Variants in IGF2BP3 observed in about 807,000 individuals in gnomAD.
IGF2BP3 encodes the protein insulin-like growth factor 2 mRNA-binding protein 3.
IGF2BP3 carries 9 observed loss-of-function variants against 73.8 expected under a neutral mutation model. The observed-to-expected ratio is 0.12, with a 90% CI of 0.07 to 0.21. The LOEUF (loss-of-function observed/expected upper bound fraction) is 0.21, where lower values mean the gene tolerates loss of function less well. Among genes scored for constraint, IGF2BP3 ranks in the 10% least tolerant of loss-of-function variants. The pLI is 1.00. For synonymous variants in IGF2BP3, 258 were observed against 256.7 expected, an observed-to-expected ratio of 1.01 and a Z score of -0.05; for missense variants, 542 against 714.0, an observed-to-expected ratio of 0.76 and a Z score of 2.75.
At chr7:23,417,368 T>G (rs990083796) in intron 3 of IGF2BP3, among the ~76,000 whole-genome samples, 1 of 152,062 alleles carries the variant, frequency 6.6e-6, no homozygotes, top group Non-Finnish European at 1.5e-5. Context: ...TCCACTAACT[T>G]GACACTACCT....
chr7:23,377,359 TAAG>T (rs1785760605), intron 3 of IGF2BP3, among the ~76,000 whole-genome samples: 2 of 152,166 alleles, frequency 1.3e-5, no homozygotes, highest in African/African-American at 4.8e-5. Context: ...AGATGACTAA[TAAG>T]CACATGAAAC....
intron 2 of IGF2BP3, among the ~76,000 whole-genome samples, chr7:23,428,133 G>A (rs1787565341): frequency 3.3e-5 from 5 of 151,698 alleles, no homozygotes; most frequent in Admixed American, 3.3e-4. Flanking sequence ...CCAAGATCAT[G>A]CCACTGCACT....
intron 2 of IGF2BP3, among the ~76,000 whole-genome samples, chr7:23,426,459 T>C (rs1377526008): frequency 6.6e-6 from 1 of 152,156 alleles, no homozygotes; most frequent in Non-Finnish European, 1.5e-5. Context: ...TCTTAACAAC[T>C]GGTATGTTCA....
chr7:23,362,866 A>C (rs1583936990), intron 3 of IGF2BP3, among the ~76,000 whole-genome samples: 1 of 151,698 alleles, frequency 6.6e-6, no homozygotes, highest in Non-Finnish European at 1.5e-5. Flanking sequence ...TGATCTTCTC[A>C]CCTCAGCCAT....
At chr7:23,315,442 A>G (rs1583871574) in intron 12 of IGF2BP3, among the ~76,000 whole-genome samples, 1 of 152,174 alleles carries the variant, frequency 6.6e-6, no homozygotes, top group South Asian at 2.1e-4. Flanking sequence ...AATACATCCT[A>G]TCACCTACTG....
At chr7:23,325,937 C>T (rs1408754879) in intron 10 of IGF2BP3, among the ~76,000 whole-genome samples, 7 of 152,260 alleles carry the variant, frequency 4.6e-5, no homozygotes, top group South Asian at 2.1e-4. Flanking sequence ...TCAAGATGGA[C>T]TAAAGACTTA....
intron 10 of IGF2BP3, among the ~76,000 whole-genome samples, chr7:23,323,766 T>C: frequency 6.6e-6 from 1 of 151,982 alleles, no homozygotes; most frequent in Non-Finnish European, 1.5e-5. Context: ...ATTAAGAAAC[T>C]CACTCAAAAC....
At chr7:23,346,916 C>A (rs182321631) in intron 7 of IGF2BP3, among the ~76,000 whole-genome samples, 123 of 152,192 alleles carry the variant, frequency 8.1e-4, no homozygotes, top group South Asian at 2.5e-3. Context: ...TAAAATAATT[C>A]TTCTTTAAAA....
At chr7:23,377,395 T>C (rs982342722) in intron 3 of IGF2BP3, among the ~76,000 whole-genome samples, 14 of 152,314 alleles carry the variant, frequency 9.2e-5, no homozygotes, top group African/African-American at 3.1e-4. Context: ...CATTAGTCAG[T>C]AGGGTAACAG....
chr7:23,312,572 A>G (rs1783862052), intron 14 of IGF2BP3, 112 bp from the exon 15 acceptor site: 12 of 936,754 alleles, frequency 1.3e-5, no homozygotes, highest in Non-Finnish European at 1.7e-5. Context: ...TTAAAGATAC[A>G]TACTAGTCAG....
intron 3 of IGF2BP3, among the ~76,000 whole-genome samples, chr7:23,415,933 G>A (rs1787177335): frequency 6.6e-6 from 1 of 152,160 alleles, no homozygotes; most frequent in African/African-American, 2.4e-5. Flanking sequence ...CAAAACCTAA[G>A]GCTGAGAGCT....
At chr7:23,458,375 A>AGTTT (rs994942902) in intron 2 of IGF2BP3, among the ~76,000 whole-genome samples, 22 of 152,094 alleles carry the variant, frequency 1.4e-4, no homozygotes, top group African/African-American at 5.3e-4. Context: ...GTTTCAGCAT[A>AGTTT]GTTTCTCCTT....
At chr7:23,332,756 T>G (rs974265687) in intron 10 of IGF2BP3, among the ~76,000 whole-genome samples, 2 of 152,236 alleles carry the variant, frequency 1.3e-5, no homozygotes, top group African/African-American at 4.8e-5. Flanking sequence ...TATAACTGGA[T>G]AGACCAAGTG....
At chr7:23,326,418 C>A (rs1016114268) in intron 10 of IGF2BP3, among the ~76,000 whole-genome samples, 91 of 152,016 alleles carry the variant, frequency 6.0e-4, no homozygotes, top group Middle Eastern at 3.4e-3. Context: ...CAGGAAACAA[C>A]AGGTGCTGGA....
Position 23,468,553 on chromosome 7 carries a change from AC to A in IGF2BP3, c.176-12del. On this transcript the variant is annotated splice_polypyrimidine_tract_variant and intron_variant, in intron 1 of 14. Coordinates refer to ENST00000258729, the MANE Select transcript of IGF2BP3 (RefSeq NM_006547.3). ...GCAGTTCTATTTTACCTGCGGACACACAAGAAGTGAGACGGTCGGCCGAGTT... is the reference window on the plus strand; with the variant it reads ...GCAGTTCTATTTTACCTGCGGACACAAAGAAGTGAGACGGTCGGCCGAGTT... 1 of 1,614,000 alleles carries A rather than the reference AC, an allele frequency of 6.2e-7. No individual in the cohort carries two copies. The highest frequency in any genetic ancestry group is 8.5e-7 in the Non-Finnish European group (1 of 1,179,880).
At chr7:23,468,001 G>A (rs1788608063) in intron 2 of IGF2BP3, 1 of 181,252 alleles carries the variant, frequency 5.5e-6, no homozygotes, top group Non-Finnish European at 1.2e-5. Context: ...CGAGCTCACA[G>A]GGCAGAGGCA....
chr7:23,323,507 TCAA>T (rs1784214459), intron 10 of IGF2BP3, among the ~76,000 whole-genome samples: 2 of 145,532 alleles, frequency 1.4e-5, no homozygotes, highest in Non-Finnish European at 3.0e-5. Flanking sequence ...ATTAGACAGA[TCAA>T]CGAGACAGAA....
intron 2 of IGF2BP3, among the ~76,000 whole-genome samples, chr7:23,468,251 G>T (rs1788615397): frequency 6.6e-6 from 1 of 152,154 alleles, no homozygotes; most frequent in Admixed American, 6.5e-5. Context: ...GAGAGATTTT[G>T]TAACCAATAA....
At chr7:23,330,712 G>C (rs1309346695) in intron 10 of IGF2BP3, among the ~76,000 whole-genome samples, 2 of 152,050 alleles carry the variant, frequency 1.3e-5, no homozygotes, top group Non-Finnish European at 2.9e-5. Context: ...CCAGAGTGCT[G>C]GAATTACTCA....
Sources: gnomAD v4.1 joint callset for allele counts (sites outside exome capture counted in the v4.1 genomes callset) on GRCh38, gnomAD v4.1.1 for gene constraint, MANE v1.5 for transcripts, NCBI Gene and HGNC (gene_info 2026-07-23, HGNC 2026-07-21) for gene names.